The following AAR2 variants were observed in gnomAD, a reference collection of about 807,000 sequenced individuals.
AAR2 encodes protein AAR2 homolog.
AAR2 carries 31 observed loss-of-function variants against 26.9 expected under a neutral mutation model. The observed-to-expected ratio is 1.15, with a 90% CI of 0.86 to 1.55. AAR2 has a LOEUF of 1.55. Ranked by LOEUF, AAR2 falls within the 40% of genes most tolerant of loss-of-function variation. AAR2 has a pLI of 0.00. For missense variants in AAR2, 430 were observed against 491.3 expected (o/e 0.88, Z 1.18); for synonymous variants, 188 against 196.1 (o/e 0.96, Z 0.34).
At chr20:36,254,052 CAG>C (rs1191361113) in intron 3 of AAR2, among the ~76,000 whole-genome samples, 6 of 152,170 alleles carry the variant, frequency 3.9e-5, no homozygotes, top group Admixed American at 2.6e-4. Context: ...AGAATTTAAA[CAG>C]GGAGTTCCCG....
chr20:36,240,447 C>T lies in AAR2; in HGVS notation c.579C>T (p.Ala193=). Residue 193 remains alanine (A), a synonymous_variant, in exon 2 of 4, where the codon GCC becomes GCT. Coordinates refer to ENST00000320849, the MANE Select transcript of AAR2 (RefSeq NM_001271874.2). Reference sequence around the variant, plus strand: ...GCAAAAGCTACCAAGAGGGCCTGGCCCGGCTACCAGAGATGAAGCCCAGAG... The same window carrying T: ...GCAAAAGCTACCAAGAGGGCCTGGCTCGGCTACCAGAGATGAAGCCCAGAG... ...IECKSYQEGL[A]RLPEMKPRAG... The T allele has an allele frequency of 6.2e-7, 1 of 1,614,216 alleles. No homozygotes were observed. The highest frequency in any genetic ancestry group is 8.5e-7 in the Non-Finnish European group (1 of 1,180,046).
At chr20:36,239,757 A>T (rs2064655161) in intron 1 of AAR2, 64 bp from the exon 2 acceptor site, 1 of 1,312,558 alleles carries the variant, frequency 7.6e-7, no homozygotes, top group Non-Finnish European at 1.0e-6. Flanking sequence ...CACATACAGA[A>T]TGCTTAGCAA....
chr20:36,238,576 T>G (rs536792009), intron 1 of AAR2, among the ~76,000 whole-genome samples: 2 of 151,984 alleles, frequency 1.3e-5, no homozygotes, highest in South Asian at 4.2e-4. Context: ...GGCCACATGG[T>G]GAGACCCTCT....
At chr20:36,248,902 G>T (rs957142238) in intron 3 of AAR2, among the ~76,000 whole-genome samples, 15 of 151,106 alleles carry the variant, frequency 9.9e-5, no homozygotes, top group African/African-American at 3.7e-4. Context: ...TTTTTTAATG[G>T]AGAGTCACGT....
At chr20:36,240,709 T>C in intron 2 of AAR2, 84 bp downstream of exon 2, 1 of 1,488,212 alleles carries the variant, frequency 6.7e-7, no homozygotes, top group Non-Finnish European at 9.0e-7. Flanking sequence ...ACATCTTGTG[T>C]TAGTCCAGCA....
intron 2 of AAR2, among the ~76,000 whole-genome samples, chr20:36,243,814 T>C (rs990801847): frequency 1.3e-5 from 2 of 152,340 alleles, no homozygotes; most frequent in Middle Eastern, 3.4e-3. Context: ...CCTTAATAGA[T>C]TGAGTAACTT....
chr20:36,254,096 G>T (rs1485565684), intron 3 of AAR2, among the ~76,000 whole-genome samples: 1 of 152,170 alleles, frequency 6.6e-6, no homozygotes, highest in Non-Finnish European at 1.5e-5. Flanking sequence ...CTGGGTTTCT[G>T]TGCAAAAGAA....
At position 36,240,494 on chromosome 20, in the gene AAR2, C is replaced by T; in HGVS notation, c.626C>T (p.Ser209Leu). 6.2e-7 allele frequency: 1 copy of T among 1,614,122 alleles called. No individual in the cohort carries two copies. The highest frequency in any genetic ancestry group is 8.5e-7 in the Non-Finnish European group (1 of 1,180,042). ...KPRAGTEIRF[S>L]ELPTQMFPEG... ...AGAGCCGGGACAGAGATCCGCTTCTCAGAGCTGCCCACGCAGATGTTCCCA... is the reference window on the plus strand; with the variant it reads ...AGAGCCGGGACAGAGATCCGCTTCTTAGAGCTGCCCACGCAGATGTTCCCA... Residue 209 changes from serine (S) to leucine (L), a missense_variant, in exon 2 of 4, where the codon TCA becomes TTA. Coordinates refer to ENST00000320849, the MANE Select transcript of AAR2 (RefSeq NM_001271874.2).
intron 3 of AAR2, among the ~76,000 whole-genome samples, chr20:36,250,780 T>C (rs34514073): frequency 2.7e-4 from 41 of 152,162 alleles, no homozygotes; most frequent in Non-Finnish European, 5.0e-4. Context: ...ACTGTGAACA[T>C]GTATCATATG....
rs768398840 is a variant in AAR2, at chr20:36,244,911, C to T, written c.972C>T (p.Leu324=). Residue 324 remains leucine (L), a synonymous_variant, in exon 3 of 4, where the codon CTC becomes CTT. Transcript: ENST00000320849. ...FVDIVSQDNF[L]TSTLQVFFSS... is the part of the protein sequence containing the mutation. The stretch of plus-strand genomic sequence containing the variant: ...ACATTGTCTCCCAAGACAACTTCCT[C>T]ACCAGCACCTTACAGGTGAGCAGTC... 3 of 1,613,978 alleles carry T rather than the reference C, an allele frequency of 1.9e-6. No homozygotes were observed. Among genetic ancestry groups the T allele is most frequent in the East Asian group, 2.2e-5 (1 of 44,878 alleles).
At chr20:36,254,939 A>ATTCC (rs1170355713) in intron 3 of AAR2, among the ~76,000 whole-genome samples, 19 of 152,214 alleles carry the variant, frequency 1.2e-4, no homozygotes, top group Admixed American at 1.2e-3. Context: ...GGAAGTGTTG[A>ATTCC]ATATCTCATG....
chr20:36,238,179 C>T (rs1447411598), intron 1 of AAR2, among the ~76,000 whole-genome samples: 1 of 152,184 alleles, frequency 6.6e-6, no homozygotes, highest in Non-Finnish European at 1.5e-5. Context: ...AGTATACACA[C>T]AAACACACAA....
chr20:36,251,156 A>G (rs1314329157), intron 3 of AAR2, among the ~76,000 whole-genome samples: 6 of 151,972 alleles, frequency 3.9e-5, no homozygotes, highest in Admixed American at 1.3e-4. Context: ...TGATCACATC[A>G]CTGTGCTCCA....
At chr20:36,252,893 C>T (rs1470120748) in intron 3 of AAR2, among the ~76,000 whole-genome samples, 1 of 152,200 alleles carries the variant, frequency 6.6e-6, no homozygotes, top group Non-Finnish European at 1.5e-5. Flanking sequence ...AGCCTTGCTC[C>T]AGGCGGGCTC....
chr20:36,254,028 T>G (rs1234272434), intron 3 of AAR2, among the ~76,000 whole-genome samples: 2 of 152,310 alleles, frequency 1.3e-5, no homozygotes, highest in African/African-American at 4.8e-5. Flanking sequence ...TGTGAAAAAC[T>G]GTGGCAGTTC....
chr20:36,238,546 A>T (rs2064642375), intron 1 of AAR2, among the ~76,000 whole-genome samples: 1 of 152,104 alleles, frequency 6.6e-6, no homozygotes, highest in South Asian at 2.1e-4. Context: ...CACTGAGGTC[A>T]GGAGTTCCAG....
At chr20:36,247,303 G>A (rs549224853) in intron 3 of AAR2, among the ~76,000 whole-genome samples, 115 of 152,148 alleles carry the variant, frequency 7.6e-4, no homozygotes, top group African/African-American at 2.7e-3. Context: ...ACCAGCCTCC[G>A]TGCTTACCAG....
rs2064664957 is a variant in AAR2, at chr20:36,240,283, T to G, written c.415T>G (p.Phe139Val). Residue 139 changes from phenylalanine (F) to valine (V), a missense_variant, in exon 2 of 4, where the codon TTC (phenylalanine) becomes GTC (valine). Transcript: ENST00000320849. ...GAAGAAGTGGATCTCACTCACCAAC[T>G]TCATCAGCGAAGCCACAGTGGAGAA... ...TLKKWISLTN[F>V]ISEATVEKLQ... The G allele has an allele frequency of 6.2e-7, 1 of 1,614,068 alleles. No homozygotes were observed. Among genetic ancestry groups the G allele is most frequent in the Non-Finnish European group, 8.5e-7 (1 of 1,180,042 alleles).
At chr20:36,237,111 C>A (rs1002808557) in intron 1 of AAR2, among the ~76,000 whole-genome samples, 1 of 152,166 alleles carries the variant, frequency 6.6e-6, no homozygotes, top group Non-Finnish European at 1.5e-5. Context: ...ATGGAGACAG[C>A]CTCCAATTTC....
Sources: allele counts gnomAD v4.1 joint callset (sites outside exome capture counted in the v4.1 genomes callset), GRCh38; gene constraint gnomAD v4.1.1; transcripts MANE v1.5; gene names NCBI Gene and HGNC (gene_info 2026-07-23, HGNC 2026-07-21).